The following ESRRG variants were observed in gnomAD, a reference collection of about 807,000 sequenced individuals.
ESRRG encodes estrogen related receptor gamma, also known as estrogen-related receptor gamma.
A neutral mutation model predicts 44.0 loss-of-function variants in ESRRG; 13 were observed. That is an observed-to-expected ratio of 0.30 (90% CI 0.19 to 0.47). The LOEUF (loss-of-function observed/expected upper bound fraction) is 0.47. Ranked by LOEUF, ESRRG falls within the 20% of genes least tolerant of loss-of-function variation. The pLI, the probability that ESRRG is intolerant of heterozygous loss-of-function variation, is 1.00. For synonymous variants in ESRRG, 215 were observed against 214.6 expected (o/e 1.00, Z -0.02); for missense variants, 395 against 580.6 (o/e 0.68, Z 3.29).
chr1:217,101,652 C>T (rs7532682), intron 1 of ESRRG, among the ~76,000 whole-genome samples: 45,740 of 151,996 alleles, frequency 0.3, 6,994 homozygotes, highest in African/African-American at 0.33. Flanking sequence ...TTTCTCCTAC[C>T]TCACTCCACC....
At chr1:216,632,209 G>A (rs2064344172) in intron 3 of ESRRG, among the ~76,000 whole-genome samples, 1 of 152,098 alleles carries the variant, frequency 6.6e-6, no homozygotes, top group South Asian at 2.1e-4. Context: ...ATAACCTTGT[G>A]TCTCCCTACC....
intron 5 of ESRRG, among the ~76,000 whole-genome samples, chr1:216,538,420 T>C (rs1329971083): frequency 6.6e-6 from 1 of 152,014 alleles, no homozygotes; most frequent in East Asian, 1.9e-4. Context: ...GCATGGCCCC[T>C]AGAGCTCTTC....
At chr1:216,657,255 A>C (rs1263403201) in intron 2 of ESRRG, among the ~76,000 whole-genome samples, 1 of 152,226 alleles carries the variant, frequency 6.6e-6, no homozygotes, top group Non-Finnish European at 1.5e-5. Context: ...ACTTTTAAAA[A>C]GTCATAATTA....
intron 1 of ESRRG, among the ~76,000 whole-genome samples, chr1:217,047,311 G>A (rs34493634): frequency 0.16 from 23,564 of 151,918 alleles, 2,374 homozygotes; most frequent in East Asian, 0.21. Flanking sequence ...CTCAAATTTG[G>A]CATGTCCAAA....
intron 3 of ESRRG, among the ~76,000 whole-genome samples, chr1:216,580,167 C>T (rs1215934675): frequency 6.6e-6 from 1 of 152,166 alleles, no homozygotes; most frequent in Non-Finnish European, 1.5e-5. Flanking sequence ...CTCAAAAATA[C>T]TGAGTAAGTG....
At chr1:216,882,611 G>A (rs1319380987) in intron 2 of ESRRG, among the ~76,000 whole-genome samples, 1 of 152,148 alleles carries the variant, frequency 6.6e-6, no homozygotes, top group Non-Finnish European at 1.5e-5. Context: ...TATTTGTGTA[G>A]TCAAGAGTAT....
At chr1:216,878,561 T>A (rs1302338922) in intron 2 of ESRRG, among the ~76,000 whole-genome samples, 1 of 152,214 alleles carries the variant, frequency 6.6e-6, no homozygotes, top group African/African-American at 2.4e-5. Context: ...CTATAATACA[T>A]CTGGAGATTG....
chr1:217,090,502 G>C (rs2092323791), upstream of ESRRG: 1 of 152,236 alleles, frequency 6.6e-6, no homozygotes, highest in Admixed American at 6.5e-5. Context: ...CATGTTCGCG[G>C]CTCGCACTTG....
chr1:217,113,870 G>A (rs2092688244), intron 1 of ESRRG, among the ~76,000 whole-genome samples: 1 of 152,112 alleles, frequency 6.6e-6, no homozygotes, highest in South Asian at 2.1e-4. Flanking sequence ...GTGCATGCCT[G>A]TAGTCCCAGC....
At chr1:216,951,715 C>CTGTG (rs1418709890) in intron 1 of ESRRG, among the ~76,000 whole-genome samples, 1 of 92,018 alleles carries the variant, frequency 1.1e-5, no homozygotes, top group African/African-American at 4.2e-5. Context: ...GGAACTATCA[C>CTGTG]TATGTGTGTG....
chr1:217,026,150 G>A (rs944592726), intron 1 of ESRRG, among the ~76,000 whole-genome samples: 5 of 152,074 alleles, frequency 3.3e-5, no homozygotes, highest in Admixed American at 2.0e-4. Context: ...TCTGCAACTC[G>A]TGATTTAATT....
chr1:217,032,622 T>C (rs1159049801), intron 1 of ESRRG, among the ~76,000 whole-genome samples: 1 of 152,214 alleles, frequency 6.6e-6, no homozygotes, highest in Non-Finnish European at 1.5e-5. Context: ...AGTTATATAT[T>C]CTGTACATAT....
At chr1:216,891,109 T>C (rs868799205) in intron 2 of ESRRG, among the ~76,000 whole-genome samples, 25 of 152,340 alleles carry the variant, frequency 1.6e-4, no homozygotes, top group Admixed American at 6.5e-4. Context: ...TGTTGTTGCA[T>C]TTTTTATGCC....
chr1:216,592,650 A>G (rs1027533362), intron 3 of ESRRG, among the ~76,000 whole-genome samples: 1 of 151,932 alleles, frequency 6.6e-6, no homozygotes, highest in Non-Finnish European at 1.5e-5. Context: ...ACAGGCATGC[A>G]CCACCACGCC....
chr1:217,135,846 A>G (rs2093042036), intron 1 of ESRRG, among the ~76,000 whole-genome samples: 1 of 152,182 alleles, frequency 6.6e-6, no homozygotes, highest in African/African-American at 2.4e-5. Context: ...CGTGTAGCCT[A>G]TAAATAGCAA....
chr1:216,884,359 C>A (rs1336300562), intron 2 of ESRRG, among the ~76,000 whole-genome samples: 1 of 152,228 alleles, frequency 6.6e-6, no homozygotes, highest in African/African-American at 2.4e-5. Flanking sequence ...AGAGAAAACA[C>A]ATTTCAATTC....
At chr1:216,560,475 T>G (rs754976208) in intron 5 of ESRRG, among the ~76,000 whole-genome samples, 1 of 152,196 alleles carries the variant, frequency 6.6e-6, no homozygotes. Context: ...ATAAATATGT[T>G]TAAGCCATTT....
At chr1:216,802,679 G>C (rs1432787973) in intron 2 of ESRRG, among the ~76,000 whole-genome samples, 2 of 152,064 alleles carry the variant, frequency 1.3e-5, no homozygotes, top group African/African-American at 4.8e-5. Context: ...GTATTAGACA[G>C]AAAATTTCAG....
chr1:216,680,243 T>C (rs12126689), intron 1 of ESRRG, among the ~76,000 whole-genome samples: 1 of 152,090 alleles, frequency 6.6e-6, no homozygotes, highest in Non-Finnish European at 1.5e-5. Context: ...TTTACAAATA[T>C]TACCTCATTG....
Sources: allele counts gnomAD v4.1 joint callset (sites outside exome capture counted in the v4.1 genomes callset), GRCh38; gene constraint gnomAD v4.1.1; transcripts MANE v1.5; gene names NCBI Gene and HGNC (gene_info 2026-07-23, HGNC 2026-07-21).